Variants in COL25A1 observed in about 807,000 individuals in gnomAD.
The protein encoded by COL25A1 is collagen type XXV alpha 1 chain.
Under a neutral mutation model 128.4 loss-of-function variants are expected in COL25A1, and 103 were observed. The observed-to-expected ratio is 0.80, with a 90% CI of 0.68 to 0.94. The LOEUF is 0.94. Ranked by LOEUF, COL25A1 falls within the 40% of genes least tolerant of loss-of-function variation. The pLI, the probability that COL25A1 is intolerant of heterozygous loss-of-function variation, is 0.00. For synonymous variants in COL25A1, 279 were observed against 277.2 expected, an observed-to-expected ratio of 1.01 and a Z score of -0.06; for missense variants, 745 against 840.0, an observed-to-expected ratio of 0.89 and a Z score of 1.40.
intron 3 of COL25A1, among the ~76,000 whole-genome samples, chr4:109,231,929 A>G (rs1457091487): frequency 2.0e-5 from 3 of 152,192 alleles, no homozygotes; most frequent in Non-Finnish European, 4.4e-5. Context: ...ACTATAAAGA[A>G]TATCTAACAT....
chr4:109,091,732 G>GAAA (rs546146394), intron 3 of COL25A1, among the ~76,000 whole-genome samples: 3 of 129,608 alleles, frequency 2.3e-5, no homozygotes, highest in African/African-American at 5.7e-5. Context: ...TCTTTAGGTG[G>GAAA]AAAAAAAAAA....
At chr4:108,892,549 A>G (rs1741635228) in intron 16 of COL25A1, among the ~76,000 whole-genome samples, 1 of 152,246 alleles carries the variant, frequency 6.6e-6, no homozygotes, top group African/African-American at 2.4e-5. Context: ...CAATGAAGTT[A>G]TAATCCTTGT....
At chr4:108,880,629 C>CA (rs1172534698) in intron 19 of COL25A1, among the ~76,000 whole-genome samples, 2 of 152,166 alleles carry the variant, frequency 1.3e-5, no homozygotes, top group Non-Finnish European at 2.9e-5. Flanking sequence ...ATTTTCACAA[C>CA]AGCTCTCTGA....
At chr4:108,846,807 G>A (rs1433117083) in intron 27 of COL25A1, among the ~76,000 whole-genome samples, 2 of 151,962 alleles carry the variant, frequency 1.3e-5, no homozygotes, top group African/African-American at 4.8e-5. Context: ...TTCTCATGAT[G>A]TCTCTATGAG....
intron 31 of COL25A1, chr4:108,838,214 T>C (rs1342023432): frequency 2.1e-6 from 3 of 1,428,444 alleles, no homozygotes; most frequent in Non-Finnish European, 2.9e-6. Flanking sequence ...TTGGTTGCTA[T>C]TATGGGTGTT....
intron 3 of COL25A1, among the ~76,000 whole-genome samples, chr4:109,197,415 T>A (rs1392262982): frequency 7.9e-6 from 1 of 125,930 alleles, no homozygotes; most frequent in African/African-American, 3.0e-5. Context: ...AAATATATAT[T>A]ATATATTATA....
chr4:108,890,976 G>A (rs1203072177), intron 16 of COL25A1, among the ~76,000 whole-genome samples: 3 of 152,122 alleles, frequency 2.0e-5, no homozygotes, highest in African/African-American at 7.2e-5. Context: ...CTCTGTTCAT[G>A]TCCACCGCAG....
At chr4:108,934,729 C>T (rs1314191444) in intron 11 of COL25A1, among the ~76,000 whole-genome samples, 1 of 152,122 alleles carries the variant, frequency 6.6e-6, no homozygotes, top group Non-Finnish European at 1.5e-5. Flanking sequence ...CACTGATTTA[C>T]AGAAAGATTC....
At chr4:109,141,857 T>C (rs1244458325) in intron 3 of COL25A1, among the ~76,000 whole-genome samples, 1 of 152,220 alleles carries the variant, frequency 6.6e-6, no homozygotes, top group African/African-American at 2.4e-5. Context: ...GGTCTATCTG[T>C]TAATCTTTTC....
At chr4:109,098,507 TG>T (rs1325275002) in intron 3 of COL25A1, among the ~76,000 whole-genome samples, 3 of 150,770 alleles carry the variant, frequency 2.0e-5, no homozygotes, top group Non-Finnish European at 4.4e-5. Flanking sequence ...GTGTTGTAGA[TG>T]CAGTTTAAGT....
At chr4:108,857,045 G>A (rs1736607892) in intron 24 of COL25A1, among the ~76,000 whole-genome samples, 1 of 152,068 alleles carries the variant, frequency 6.6e-6, no homozygotes. Context: ...AGGATAGCTT[G>A]CCTCATGCCA....
Position 108,898,499 on chromosome 4 carries a change from A to G in COL25A1, c.861+655T>C, listed in dbSNP as rs141286962. 2.1e-3 allele frequency among the ~76,000 whole-genome samples: 321 copies of G among 152,308 alleles called. 2 individuals are homozygous for G. Among genetic ancestry groups the G allele is most frequent in the African/African-American group, 7.4e-3 (307 of 41,570 alleles). ...GAACCAGGAAAATAAGTATCGTAAT[A>G]TGCAATCAGAGCCTAAAAATAATCA... On this transcript the variant is annotated intron_variant, in intron 15 of 37. Transcript: ENST00000399132.
intron 3 of COL25A1, among the ~76,000 whole-genome samples, chr4:109,224,011 C>T (rs1778605155): frequency 6.6e-6 from 1 of 152,192 alleles, no homozygotes; most frequent in Non-Finnish European, 1.5e-5. Context: ...AAGAGCTACA[C>T]TGACATTTAC....
chr4:109,124,248 T>G (rs1396649008), intron 3 of COL25A1, among the ~76,000 whole-genome samples: 1 of 152,050 alleles, frequency 6.6e-6, no homozygotes, highest in African/African-American at 2.4e-5. Context: ...TCCTCTCCCA[T>G]GTATTTTTCA....
At chr4:109,191,291 A>C (rs578214269) in intron 3 of COL25A1, among the ~76,000 whole-genome samples, 3 of 152,324 alleles carry the variant, frequency 2.0e-5, no homozygotes, top group Admixed American at 2.0e-4. Flanking sequence ...GAAATCAAGA[A>C]GGACAATGCA....
intron 3 of COL25A1, among the ~76,000 whole-genome samples, chr4:109,215,413 A>G (rs939701297): frequency 1.3e-5 from 2 of 152,178 alleles, no homozygotes; most frequent in African/African-American, 4.8e-5. Context: ...ATCCTAGAAC[A>G]TATTAAATCC....
intron 3 of COL25A1, among the ~76,000 whole-genome samples, chr4:109,132,048 G>A (rs991696672): frequency 1.3e-5 from 2 of 152,146 alleles, no homozygotes; most frequent in African/African-American, 4.8e-5. Context: ...AAGTGCCAAT[G>A]AGGTTTTAAA....
chr4:109,197,058 C>T (rs918250089), intron 3 of COL25A1, among the ~76,000 whole-genome samples: 42 of 151,900 alleles, frequency 2.8e-4, no homozygotes, highest in African/African-American at 1.0e-3. Context: ...TGGCTCACAC[C>T]TGTAATCCCA....
At position 109,161,496 on chromosome 4, in the gene COL25A1, T is replaced by C. The variant is rs552038825; in HGVS notation, c.368-111317A>G. Among the ~76,000 whole-genome samples the C allele has an allele frequency of 2.0e-5, 3 of 152,302 alleles. No homozygotes were observed. In the East Asian group the frequency reaches 5.8e-4, roughly 29 times the overall value. On this transcript the variant is annotated intron_variant, in intron 3 of 37. Transcript: ENST00000399132. ...TATTGTTATAATATAATTACCTGAA[T>C]TGATTGTTTAAATATAAGCTTTCTG...
Sources: gnomAD v4.1 joint callset for allele counts (sites outside exome capture counted in the v4.1 genomes callset) on GRCh38, gnomAD v4.1.1 for gene constraint, MANE v1.5 for transcripts, NCBI Gene and HGNC (gene_info 2026-07-23, HGNC 2026-07-21) for gene names.